The following HUWE1 variants were observed in gnomAD, a reference collection of about 807,000 sequenced individuals.
The protein encoded by HUWE1 is HECT, UBA and WWE domain containing E3 ubiquitin protein ligase 1.
Under a neutral mutation model 299.4 loss-of-function variants are expected in HUWE1, and 18 were observed. The observed-to-expected ratio is 0.06, with a 90% confidence interval of 0.04 to 0.09. The LOEUF is 0.09. HUWE1 is among the 10% of genes least tolerant of loss of function. The pLI is 1.00. For missense variants in HUWE1, 1,832 were observed against 3,462.3 expected, an observed-to-expected ratio of 0.53 and a Z score of 11.82; for synonymous variants, 1,317 against 1,286.1, an observed-to-expected ratio of 1.02 and a Z score of -0.51.
At chrX:53,575,843 C>T (rs2063077091) in intron 44 of HUWE1, 55 bp from the exon 45 acceptor site, 1 of 1,123,949 alleles carries the variant, frequency 8.9e-7, no homozygotes, top group Non-Finnish European at 1.2e-6. Context: ...TACAATTGGA[C>T]AATGTTAAGG....
rs368191446 is a variant in HUWE1 at position 53,593,387 on chromosome X, G to A, written c.3718C>T (p.Arg1240Cys). ...ACTTTCTGAGTTACCACAAGGAAGC[G>A]CAGTGCACTGAACTGGGGAAAGTTC... ...VQNFPQFSAL[R>C]FLVVTQKAAF... is the part of the protein sequence containing the mutation. Residue 1240 changes from arginine (R) to cysteine (C), a missense_variant, in exon 32 of 84, where the codon CGC becomes TGC. Physicochemically the swap from Arg to Cys is radical, Grantham distance 180. This residue lies in a region of HUWE1 where 658 missense variants were observed against 1,282.6 expected (regional missense o/e 0.51). Transcript: ENST00000262854. 2.5e-6 allele frequency: 3 copies of A among 1,195,895 alleles called. No homozygotes were observed. The highest frequency in any genetic ancestry group is 1.8e-5 in the South Asian group (1 of 56,475).
At chrX:53,568,551 A>T (rs1218562939) in intron 49 of HUWE1, 141 bp downstream of exon 49, 1 of 481,755 alleles carries the variant, frequency 2.1e-6, no homozygotes. Flanking sequence ...TTTAAGAAAG[A>T]CAAGTGCTAA....
chrX:53,624,900 A>AT (rs2066384603), intron 18 of HUWE1, among the ~76,000 whole-genome samples: 1 of 112,196 alleles, frequency 8.9e-6, no homozygotes, highest in South Asian at 3.7e-4. Context: ...CTTAAGAGTC[A>AT]GAAAGGGGTA....
At chrX:53,672,150 GAC>G (rs1323032857) in intron 3 of HUWE1, among the ~76,000 whole-genome samples, 1 of 111,249 alleles carries the variant, frequency 9.0e-6, no homozygotes, top group Non-Finnish European at 1.9e-5. Context: ...TGGAAAAAAA[GAC>G]AGTTTGGGGA....
At chrX:53,606,793 A>T (rs1347322507) in intron 25 of HUWE1, among the ~76,000 whole-genome samples, 1 of 111,612 alleles carries the variant, frequency 9.0e-6, no homozygotes, top group African/African-American at 3.3e-5. Flanking sequence ...AGAGACAAAA[A>T]ATAGAATGGT....
intron 4 of HUWE1, among the ~76,000 whole-genome samples, chrX:53,648,937 C>A (rs1186316646): frequency 1.8e-5 from 2 of 111,820 alleles, no homozygotes; most frequent in African/African-American, 6.5e-5. Flanking sequence ...TGTCAGGTAA[C>A]AAGGAGTGGA....
At chrX:53,609,032 T>C in intron 23 of HUWE1, 123 bp from the exon 24 acceptor site, 1 of 513,052 alleles carries the variant, frequency 1.9e-6, no homozygotes, top group Non-Finnish European at 3.5e-6. Flanking sequence ...TTGCTTATTT[T>C]TTTGAGACAG....
intron 3 of HUWE1, among the ~76,000 whole-genome samples, chrX:53,672,561 G>A (rs938413391): frequency 9.0e-6 from 1 of 111,226 alleles, no homozygotes; most frequent in African/African-American, 3.3e-5. Context: ...GCCCGGCTGA[G>A]ATGTCCTCAT....
intron 46 of HUWE1, among the ~76,000 whole-genome samples, chrX:53,574,386 T>A (rs1373173665): frequency 1.8e-5 from 2 of 112,613 alleles, no homozygotes; most frequent in African/African-American, 6.5e-5. Flanking sequence ...CATTATATCT[T>A]ATCCAAGTAT....
intron 3 of HUWE1, among the ~76,000 whole-genome samples, chrX:53,664,187 A>G (rs782440076): frequency 3.9e-4 from 43 of 111,206 alleles, no homozygotes; most frequent in African/African-American, 1.3e-3. Context: ...AGTAGCTGGG[A>G]CCACAGGCAC....
chrX:53,561,499 C>T (rs1569444891), intron 55 of HUWE1, among the ~76,000 whole-genome samples: 6 of 112,135 alleles, frequency 5.4e-5, no homozygotes, highest in Non-Finnish European at 1.1e-4. Flanking sequence ...TTTAATCAAG[C>T]AAATCATCAA....
chrX:53,578,729 C>T (rs1319433623), intron 43 of HUWE1, among the ~76,000 whole-genome samples: 3 of 67,028 alleles, frequency 4.5e-5, no homozygotes, highest in East Asian at 1.0e-3. Flanking sequence ...AGGTGAGGGG[C>T]GCCTCTGCCC....
chrX:53,568,036 A>G (rs1256225295), intron 49 of HUWE1, among the ~76,000 whole-genome samples: 2 of 112,413 alleles, frequency 1.8e-5, no homozygotes, highest in Non-Finnish European at 3.8e-5. Flanking sequence ...CGCTTCAACA[A>G]GCTGGAATCA....
In HUWE1 at chrX:53,645,305, A is replaced by T; in HGVS notation, c.504+6T>A. On this transcript the variant is annotated splice_donor_region_variant and intron_variant, in intron 7 of 83. Transcript: ENST00000262854. ...GCACCCCTCCAACTCTTCACCCAAG[A>T]CTCACCTCTGCCAAATGTTGTAGCC... 1 of 1,210,237 alleles carries T rather than the reference A, an allele frequency of 8.3e-7. No homozygotes were observed. Among genetic ancestry groups the T allele is most frequent in the Non-Finnish European group, 1.1e-6 (1 of 894,903 alleles).
At position 53,554,008 on chromosome X, in the gene HUWE1, T is replaced by G. The variant is rs181564446; in HGVS notation, c.8494+625A>C. On this transcript the variant is annotated intron_variant, in intron 61 of 83. Transcript: ENST00000262854. ...CCCATTTCAAACCAGTGAGAAATAG[T>G]GTCATGAGATAAACAGTGTCTGCCA... 2.2e-4 allele frequency among the ~76,000 whole-genome samples: 24 copies of G among 110,261 alleles called. No homozygotes were observed. In the East Asian group the frequency reaches 6.6e-3, roughly 30 times the overall value.
intron 51 of HUWE1, among the ~76,000 whole-genome samples, 177 bp downstream of exon 51, chrX:53,564,397 C>G (rs2062433135): frequency 9.0e-6 from 1 of 111,549 alleles, no homozygotes; most frequent in Non-Finnish European, 1.9e-5. Flanking sequence ...GCCCCCACCC[C>G]TCTTTTAATA....
In HUWE1 at chrX:53,586,908, T is replaced by G; in HGVS notation, c.4616A>C (p.Glu1539Ala). 8.3e-7 allele frequency: 1 copy of G among 1,210,424 alleles called. No homozygotes were observed. The highest frequency in any genetic ancestry group is 1.1e-6 in the Non-Finnish European group (1 of 894,897). Residue 1539 changes from glutamate (E) to alanine (A), a missense_variant and splice_region_variant, in exon 38 of 84, where the codon GAG (glutamate) becomes GCG (alanine). Glu to Ala is a moderately radical substitution (Grantham distance 107, BLOSUM62 -1). Coordinates refer to ENST00000262854, the MANE Select transcript of HUWE1 (RefSeq NM_031407.7). Reference protein sequence around the residue: ...RILLLTLLFEELKLPCAWVVE... With the variant: ...RILLLTLLFEALKLPCAWVVE... Reference sequence around the variant, plus strand: ...CACCCAAGCACAAGGTAGCTTCAACTCCTGATAGATCAAAGGGAAAAAACA... The same window carrying G: ...CACCCAAGCACAAGGTAGCTTCAACGCCTGATAGATCAAAGGGAAAAAACA...
chrX:53,578,964 C>A (rs2063420216), intron 43 of HUWE1, among the ~76,000 whole-genome samples: 2 of 71,866 alleles, frequency 2.8e-5, no homozygotes, highest in Non-Finnish European at 5.4e-5. Flanking sequence ...CGCCTCTGCC[C>A]GGCCGCCCCT....
At chrX:53,601,846 T>C (rs2064870127) in intron 28 of HUWE1, among the ~76,000 whole-genome samples, 1 of 109,300 alleles carries the variant, frequency 9.1e-6, no homozygotes, top group African/African-American at 3.3e-5. Flanking sequence ...TTTTTTGTGT[T>C]TTCAGTAGAG....
Sources: allele counts gnomAD v4.1 joint callset (sites outside exome capture counted in the v4.1 genomes callset), GRCh38; gene constraint gnomAD v4.1.1; regional missense constraint gnomAD v4.1.1; transcripts MANE v1.5; gene names NCBI Gene and HGNC (gene_info 2026-07-23, HGNC 2026-07-21).